GALNTL6: variants seen among roughly 807,000 people sequenced by gnomAD.
GALNTL6 encodes polypeptide N-acetylgalactosaminyltransferase-like 6.
A neutral mutation model predicts 73.7 loss-of-function variants in GALNTL6; 46 were observed. The ratio of observed to expected loss-of-function variants is 0.62; its 90% confidence interval spans 0.49 to 0.80. The LOEUF (loss-of-function observed/expected upper bound fraction) is 0.80, where lower values mean the gene tolerates loss of function less well. Among genes scored for constraint, GALNTL6 ranks in the 30% least tolerant of loss-of-function variants. GALNTL6 has a pLI of 0.00. For missense variants in GALNTL6, 604 were observed against 755.0 expected, an observed-to-expected ratio of 0.80 and a Z score of 2.34; for synonymous variants, 259 against 263.7, an observed-to-expected ratio of 0.98 and a Z score of 0.17.
intron 5 of GALNTL6, among the ~76,000 whole-genome samples, chr4:172,387,108 C>T (rs908829841): frequency 1.3e-5 from 2 of 152,152 alleles, no homozygotes; most frequent in Non-Finnish European, 2.9e-5. Context: ...GCCCCACCCT[C>T]ATAATTTTAT....
At chr4:172,358,201 T>A (rs968742196) in intron 5 of GALNTL6, among the ~76,000 whole-genome samples, 1 of 152,166 alleles carries the variant, frequency 6.6e-6, no homozygotes, top group Admixed American at 6.5e-5. Flanking sequence ...CTCTGCCACT[T>A]ACAGCCCTTG....
chr4:171,943,689 A>G (rs1471712245), intron 2 of GALNTL6, among the ~76,000 whole-genome samples: 5 of 152,142 alleles, frequency 3.3e-5, no homozygotes, highest in African/African-American at 1.2e-4. Context: ...GCTCTCAACC[A>G]TTTATGTTCT....
At chr4:172,434,741 C>T (rs1731573995) in intron 5 of GALNTL6, among the ~76,000 whole-genome samples, 1 of 152,144 alleles carries the variant, frequency 6.6e-6, no homozygotes, top group East Asian at 1.9e-4. Flanking sequence ...GCTTATTGGT[C>T]AAAATATCTT....
chr4:172,318,716 A>G (rs927060542), intron 4 of GALNTL6, among the ~76,000 whole-genome samples: 1 of 108,206 alleles, frequency 9.2e-6, no homozygotes, highest in Non-Finnish European at 1.9e-5. Flanking sequence ...CACCCCCCAA[A>G]AAAACCAACA....
intron 5 of GALNTL6, among the ~76,000 whole-genome samples, chr4:172,599,157 A>G (rs1737963045): frequency 6.6e-6 from 1 of 152,150 alleles, no homozygotes; most frequent in Admixed American, 6.5e-5. Context: ...AATCCTGTGT[A>G]CATCAAATAA....
intron 5 of GALNTL6, among the ~76,000 whole-genome samples, chr4:172,372,667 A>G (rs1457527459): frequency 2.0e-5 from 3 of 152,178 alleles, no homozygotes; most frequent in Non-Finnish European, 4.4e-5. Flanking sequence ...GGCTTAAAGC[A>G]AAGCTGAAGT....
At chr4:171,904,320 C>A (rs1341885207) in intron 2 of GALNTL6, among the ~76,000 whole-genome samples, 5 of 151,974 alleles carry the variant, frequency 3.3e-5, no homozygotes, top group African/African-American at 1.2e-4. Flanking sequence ...GAGCTGAAAA[C>A]CAAGGCTCGA....
At chr4:172,176,462 C>T (rs1735005355) in intron 2 of GALNTL6, among the ~76,000 whole-genome samples, 3 of 149,034 alleles carry the variant, frequency 2.0e-5, no homozygotes, top group African/African-American at 2.5e-5. Flanking sequence ...ACTTTAAATA[C>T]TGTAAAAGGA....
chr4:172,311,513 A>G (rs1740357267), intron 3 of GALNTL6, 101 bp from the exon 4 acceptor site: 13 of 899,712 alleles, frequency 1.4e-5, no homozygotes, highest in Non-Finnish European at 1.9e-5. Flanking sequence ...TCTGCAGAGC[A>G]CAGCAATAGG....
At chr4:171,849,218 G>C (rs1008095268) in intron 2 of GALNTL6, among the ~76,000 whole-genome samples, 1 of 152,128 alleles carries the variant, frequency 6.6e-6, no homozygotes, top group Non-Finnish European at 1.5e-5. Context: ...AGCCGTTGCA[G>C]GGTTCTAAAC....
chr4:171,991,124 A>G (rs182728195), intron 2 of GALNTL6, among the ~76,000 whole-genome samples: 1 of 152,296 alleles, frequency 6.6e-6, no homozygotes, highest in African/African-American at 2.4e-5. Flanking sequence ...AGATCAATGA[A>G]AAAACAATCA....
chr4:172,400,272 A>G (rs148395852), intron 5 of GALNTL6, among the ~76,000 whole-genome samples: 11 of 152,304 alleles, frequency 7.2e-5, no homozygotes, highest in Admixed American at 6.5e-4. Context: ...GCACTTACCT[A>G]TTACCTACAT....
At chr4:172,641,607 C>T (rs1484157890) in intron 5 of GALNTL6, among the ~76,000 whole-genome samples, 1 of 152,078 alleles carries the variant, frequency 6.6e-6, no homozygotes, top group African/African-American at 2.4e-5. Flanking sequence ...TACCAATACA[C>T]CTTCACTGAC....
At chr4:172,811,104 C>T (rs1360692335) in intron 6 of GALNTL6, among the ~76,000 whole-genome samples, 2 of 152,176 alleles carry the variant, frequency 1.3e-5, no homozygotes, top group East Asian at 3.8e-4. Flanking sequence ...TTATTTTCCT[C>T]TATCAGTGTC....
At chr4:172,119,120 T>G (rs543895581) in intron 2 of GALNTL6, among the ~76,000 whole-genome samples, 4 of 152,324 alleles carry the variant, frequency 2.6e-5, no homozygotes, top group Admixed American at 2.6e-4. Context: ...ATTACACTAT[T>G]GTATTTCTTG....
chr4:172,792,037 T>C (rs1250494188), intron 5 of GALNTL6, among the ~76,000 whole-genome samples: 2 of 152,228 alleles, frequency 1.3e-5, no homozygotes, highest in African/African-American at 4.8e-5. Flanking sequence ...AGCCATGGAC[T>C]GGTTTGGCTG....
Position 171,814,475 on chromosome 4 carries a change from T to C in GALNTL6, c.-106T>C. 5 of 1,244,702 alleles carry C rather than the reference T, an allele frequency of 4.0e-6. No individual in the cohort carries two copies. Among genetic ancestry groups the C allele is most frequent in the Non-Finnish European group, 5.7e-6 (5 of 880,308 alleles). The allele number at this position is 1,244,702 out of a possible 1,614,324, so 77.1% of individuals were successfully genotyped here. ...GCACGCAACAAAAGTTTGTAGCTTC[T>C]CAGTTTCTGGTGCTTCGCAGGGGAG... On this transcript the variant is annotated 5_prime_UTR_variant, in exon 2 of 13. Transcript: ENST00000506823.
intron 3 of GALNTL6, among the ~76,000 whole-genome samples, chr4:172,297,420 A>C (rs2111113052): frequency 1.3e-5 from 2 of 152,202 alleles, no homozygotes; most frequent in South Asian, 4.2e-4. Flanking sequence ...TTAGACATGA[A>C]GTCCTTGCCC....
At chr4:172,862,992 C>T (rs1416980164) in intron 7 of GALNTL6, among the ~76,000 whole-genome samples, 6 of 152,238 alleles carry the variant, frequency 3.9e-5, no homozygotes, top group Non-Finnish European at 8.8e-5. Context: ...GGCCAAGGTA[C>T]AGCTTGGGCT....
Sources: allele counts gnomAD v4.1 joint callset (sites outside exome capture counted in the v4.1 genomes callset), GRCh38; gene constraint gnomAD v4.1.1; transcripts MANE v1.5; gene names NCBI Gene and HGNC (gene_info 2026-07-23, HGNC 2026-07-21).